The following OSBPL1A variants were observed in gnomAD, a reference collection of about 807,000 sequenced individuals.
OSBPL1A encodes the protein oxysterol-binding protein-related protein 1.
A neutral mutation model predicts 137.1 loss-of-function variants in OSBPL1A; 80 were observed. That is an observed-to-expected ratio of 0.58 (90% confidence interval 0.49 to 0.70). OSBPL1A has a LOEUF of 0.70. Ranked by LOEUF, OSBPL1A falls within the 30% of genes least tolerant of loss-of-function variation. The probability of loss-of-function intolerance (pLI) is 0.00; values close to 1 mark genes in which losing one functional copy is unlikely to be tolerated. For missense variants in OSBPL1A, 970 were observed against 1,129.4 expected (o/e 0.86, Z 2.02); for synonymous variants, 365 against 389.7 (o/e 0.94, Z 0.75).
intron 21 of OSBPL1A, among the ~76,000 whole-genome samples, chr18:24,175,243 T>C (rs2086417006): frequency 3.4e-5 from 5 of 145,930 alleles, no homozygotes; most frequent in South Asian, 2.2e-4. Flanking sequence ...TGGAATACAA[T>C]GGCGCAATCA....
intron 4 of OSBPL1A, among the ~76,000 whole-genome samples, chr18:24,355,782 C>G (rs2091523166): frequency 6.6e-6 from 1 of 152,006 alleles, no homozygotes; most frequent in Non-Finnish European, 1.5e-5. Flanking sequence ...GTCAGGAGTT[C>G]AAGACCAGCC....
chr18:24,167,069 C>T (rs756278589), intron 25 of OSBPL1A, among the ~76,000 whole-genome samples: 1 of 152,194 alleles, frequency 6.6e-6, no homozygotes, highest in African/African-American at 2.4e-5. Context: ...CCAGTTTTAC[C>T]GCTAAGTAGC....
At chr18:24,270,764 A>T (rs2089698250) in intron 15 of OSBPL1A, among the ~76,000 whole-genome samples, 1 of 152,046 alleles carries the variant, frequency 6.6e-6, no homozygotes, top group Non-Finnish European at 1.5e-5. Flanking sequence ...TTTCCTGCCT[A>T]CACACTATTC....
chr18:24,300,362 A>G (rs1275947309), intron 14 of OSBPL1A, among the ~76,000 whole-genome samples: 1 of 152,272 alleles, frequency 6.6e-6, no homozygotes, highest in African/African-American at 2.4e-5. Context: ...AAATGCCCAG[A>G]TAAGTCTGCA....
intron 1 of OSBPL1A, among the ~76,000 whole-genome samples, chr18:24,388,571 G>A (rs1056555424): frequency 4.0e-5 from 6 of 151,798 alleles, no homozygotes; most frequent in South Asian, 2.1e-4. Flanking sequence ...AGGCCAAGGC[G>A]GGCGGATCAC....
At chr18:24,171,797 C>CA (rs1410133152) in intron 22 of OSBPL1A, among the ~76,000 whole-genome samples, 1 of 152,136 alleles carries the variant, frequency 6.6e-6, no homozygotes, top group East Asian at 1.9e-4. Flanking sequence ...ACAAAGGAAG[C>CA]AAAATGAGCT....
At chr18:24,231,958 G>A (rs929775698) in intron 16 of OSBPL1A, among the ~76,000 whole-genome samples, 7 of 152,212 alleles carry the variant, frequency 4.6e-5, no homozygotes. Context: ...GCAAGATGGG[G>A]AAGAACTGTG....
intron 2 of OSBPL1A, among the ~76,000 whole-genome samples, chr18:24,371,391 T>C (rs1905623101): frequency 6.6e-6 from 1 of 151,986 alleles, no homozygotes; most frequent in African/African-American, 2.4e-5. Flanking sequence ...GAAAACAGCT[T>C]TCATAGAATT....
At chr18:24,328,703 A>C (rs917655580) in intron 7 of OSBPL1A, among the ~76,000 whole-genome samples, 2 of 151,798 alleles carry the variant, frequency 1.3e-5, no homozygotes, top group Admixed American at 1.3e-4. Flanking sequence ...TGCACTGTCC[A>C]ATATGGTGGA....
At chr18:24,264,480 G>C (rs1599585173) in intron 15 of OSBPL1A, among the ~76,000 whole-genome samples, 1 of 152,246 alleles carries the variant, frequency 6.6e-6, no homozygotes, top group South Asian at 2.1e-4. Context: ...AGAAAACATA[G>C]TCCAGGCTAT....
At chr18:24,311,856 A>G (rs2090624587) in intron 13 of OSBPL1A, 128 bp downstream of exon 13, 17 of 1,067,240 alleles carry the variant, frequency 1.6e-5, no homozygotes, top group Admixed American at 4.1e-5. Context: ...AACTCAGTGA[A>G]GAACAGTACT....
intron 18 of OSBPL1A, among the ~76,000 whole-genome samples, chr18:24,192,875 T>C (rs1025280245): frequency 1.3e-5 from 2 of 152,174 alleles, no homozygotes; most frequent in East Asian, 3.8e-4. Context: ...CATACAAATC[T>C]GGGGCATTAA....
chr18:24,163,345 A>C (rs1249731880), intron 27 of OSBPL1A, 64 bp from the exon 28 acceptor site: 1 of 1,215,766 alleles, frequency 8.2e-7, no homozygotes, highest in Non-Finnish European at 1.2e-6. Flanking sequence ...CTGTTTCTTC[A>C]CTAGTTTGCA....
intron 17 of OSBPL1A, among the ~76,000 whole-genome samples, chr18:24,201,580 T>C (rs998571854): frequency 3.3e-5 from 5 of 152,094 alleles, no homozygotes; most frequent in African/African-American, 9.7e-5. Context: ...CTGGCCAACA[T>C]GGTGAAACCC....
chr18:24,316,764 A>G (rs1186249847), intron 11 of OSBPL1A, among the ~76,000 whole-genome samples: 1 of 152,160 alleles, frequency 6.6e-6, no homozygotes, highest in Non-Finnish European at 1.5e-5. Context: ...ACCATGACTG[A>G]ATTAATATTG....
intron 14 of OSBPL1A, chr18:24,301,290 T>C (rs1454415134): frequency 3.3e-5 from 5 of 152,220 alleles, no homozygotes. Context: ...CAGATATACA[T>C]ACCATCATTA....
At chr18:24,235,614 T>G (rs1055099327) in intron 16 of OSBPL1A, among the ~76,000 whole-genome samples, 1 of 152,232 alleles carries the variant, frequency 6.6e-6, no homozygotes, top group African/African-American at 2.4e-5. Flanking sequence ...AGGTGCCATT[T>G]ACAAAAATGA....
chr18:24,317,785 C>T (rs183372030), intron 9 of OSBPL1A, among the ~76,000 whole-genome samples: 18 of 152,192 alleles, frequency 1.2e-4, no homozygotes, highest in Non-Finnish European at 2.5e-4. Flanking sequence ...CATACAGATA[C>T]ATAAATAGAT....
Position 24,318,216 on chromosome 18 carries a change from C to T in OSBPL1A, c.732+385G>A, listed in dbSNP as rs570264561. On this transcript the variant is annotated intron_variant, in intron 9 of 27. Transcript: ENST00000319481. Reference sequence around the variant, plus strand: ...ATCCCAGCATTCTGGGAGGCCAAGGCGGGTGGATCACGAGGTCAGGAGTTC... The same window carrying T: ...ATCCCAGCATTCTGGGAGGCCAAGGTGGGTGGATCACGAGGTCAGGAGTTC... Among the ~76,000 whole-genome samples, 7 of 152,084 alleles carry T rather than the reference C, an allele frequency of 4.6e-5. No individual in the cohort carries two copies. The South Asian group carries it at 8.3e-4, about 18-fold the overall frequency.
Sources: gnomAD v4.1 joint callset for allele counts (sites outside exome capture counted in the v4.1 genomes callset) on GRCh38, gnomAD v4.1.1 for gene constraint, MANE v1.5 for transcripts, NCBI Gene and HGNC (gene_info 2026-07-23, HGNC 2026-07-21) for gene names.